NTN1: variants seen among roughly 807,000 people sequenced by gnomAD.
NTN1 encodes the protein netrin-1.
NTN1 carries 11 observed loss-of-function variants against 54.2 expected under a neutral mutation model. The ratio of observed to expected loss-of-function variants is 0.20; its 90% confidence interval spans 0.13 to 0.34. The LOEUF is 0.34. Among genes scored for constraint, NTN1 ranks in the 10% least tolerant of loss-of-function variants. The pLI is 1.00. For synonymous variants in NTN1, 371 were observed against 382.0 expected, an observed-to-expected ratio of 0.97 and a Z score of 0.33; for missense variants, 740 against 893.1, an observed-to-expected ratio of 0.83 and a Z score of 2.18.
intron 5 of NTN1, among the ~76,000 whole-genome samples, chr17:9,191,865 T>TAAAA (rs60675960): frequency 3.4e-5 from 3 of 89,170 alleles, no homozygotes; most frequent in African/African-American, 1.4e-4. Flanking sequence ...TTATCGCTAC[T>TAAAA]AAAAAAAAAA....
intron 2 of NTN1, among the ~76,000 whole-genome samples, chr17:9,134,875 C>T (rs2092276280): frequency 6.6e-6 from 1 of 152,184 alleles, no homozygotes; most frequent in Admixed American, 6.5e-5. Flanking sequence ...AAGCGTCTTC[C>T]TCCTGCCCTG....
At position 9,113,142 on chromosome 17, in the gene NTN1, GC is replaced by G. The variant is rs545061476; in HGVS notation, c.1019-49669del. ...AGGTTCAAGTGATTCTCCTGCCTCA[GC>G]CTCCCGAGTAGCTGGGATTACAGGT... On this transcript the variant is annotated intron_variant, in intron 2 of 6. Transcript: ENST00000173229. Among the ~76,000 whole-genome samples, 56 of 151,078 alleles carry G rather than the reference GC, an allele frequency of 3.7e-4. 1 individual carries two copies. The East Asian group carries it at 0.01, about 28-fold the overall frequency.
At position 9,051,879 on chromosome 17, in the gene NTN1, G is replaced by A. The variant is rs544614262; in HGVS notation, c.1018+28488G>A. On this transcript the variant is annotated intron_variant, in intron 2 of 6. Transcript: ENST00000173229. Reference sequence around the variant, plus strand: ...TGATTATTTTAAAGTAAAGCAAAACGGGTAGTTTTTTCATCTATGTTTTTG... The same window carrying A: ...TGATTATTTTAAAGTAAAGCAAAACAGGTAGTTTTTTCATCTATGTTTTTG... 6.6e-5 allele frequency among the ~76,000 whole-genome samples: 10 copies of A among 152,098 alleles called. No homozygotes were observed. In the South Asian group the frequency reaches 1.5e-3, roughly 22 times the overall value.
chr17:9,028,890 G>A (rs1181813321), intron 2 of NTN1, among the ~76,000 whole-genome samples: 1 of 152,040 alleles, frequency 6.6e-6, no homozygotes, highest in Non-Finnish European at 1.5e-5. Flanking sequence ...TTATAAAACA[G>A]CCTTATCTGT....
At chr17:9,146,586 C>T (rs986720245) in intron 2 of NTN1, among the ~76,000 whole-genome samples, 1 of 151,688 alleles carries the variant, frequency 6.6e-6, no homozygotes, top group Admixed American at 6.6e-5. Flanking sequence ...TGGAGGGGAC[C>T]TGTGGGTCTT....
chr17:9,158,964 A>C (rs528221731), intron 2 of NTN1, among the ~76,000 whole-genome samples: 1 of 152,174 alleles, frequency 6.6e-6, no homozygotes, highest in Non-Finnish European at 1.5e-5. Context: ...GTCCACCTCT[A>C]TTTGTAAATG....
chr17:9,161,188 G>A (rs932880690), intron 2 of NTN1, among the ~76,000 whole-genome samples: 1 of 152,102 alleles, frequency 6.6e-6, no homozygotes, highest in African/African-American at 2.4e-5. Flanking sequence ...ACGCCAGGCT[G>A]GTGGGGTGGA....
chr17:9,170,573 C>T (rs1211308056), intron 3 of NTN1, among the ~76,000 whole-genome samples: 1 of 152,198 alleles, frequency 6.6e-6, no homozygotes, highest in Admixed American at 6.5e-5. Flanking sequence ...GATTTCCATG[C>T]TTTGGGAGCA....
rs550214274 is a variant in NTN1 at position 9,193,058 on chromosome 17, C to T, written c.1411+10089C>T. On this transcript the variant is annotated intron_variant, in intron 5 of 6. Transcript: ENST00000173229. The stretch of plus-strand genomic sequence containing the variant: ...TCATGCCACTGCACTCCAGCCTGGG[C>T]GACAGAGTGAGACTCTGTCTCAAAA... Among the ~76,000 whole-genome samples the T allele has an allele frequency of 3.6e-3, 473 of 130,324 alleles. 4 individuals are homozygous for T. Among genetic ancestry groups the T allele is most frequent in the African/African-American group, 0.013 (454 of 33,654 alleles). 85.5% of individuals were successfully genotyped at this position (130,324 alleles called of 152,430 possible).
intron 2 of NTN1, among the ~76,000 whole-genome samples, chr17:9,073,911 T>C (rs892580364): frequency 3.9e-5 from 6 of 152,242 alleles, no homozygotes; most frequent in African/African-American, 1.4e-4. Flanking sequence ...TTTCCTGGGC[T>C]GTTTCCTACC....
chr17:9,155,253 A>G (rs2092338091), intron 2 of NTN1, among the ~76,000 whole-genome samples: 1 of 152,076 alleles, frequency 6.6e-6, no homozygotes, highest in Admixed American at 6.5e-5. Flanking sequence ...CCGCTGTCAC[A>G]CCAGCACCTG....
rs1186835451 is a variant in NTN1 at position 9,165,592 on chromosome 17, G to A, written c.1207+2591G>A. ...CACAGGACGGGAAAACCTAAGGATG[G>A]ATTCTACTCAGAAAGACACAGGCAA... On this transcript the variant is annotated intron_variant, in intron 3 of 6. Coordinates refer to ENST00000173229, the MANE Select transcript of NTN1 (RefSeq NM_004822.3). The surrounding 1 kb of genome is among the most constrained non-coding windows in gnomAD (Gnocchi z 4.5). Among the ~76,000 whole-genome samples the A allele has an allele frequency of 1.3e-5, 2 of 152,174 alleles. No individual in the cohort carries two copies. The highest frequency in any genetic ancestry group is 2.9e-5 in the Non-Finnish European group (2 of 68,030).
At chr17:9,038,215 C>T (rs866877045) in intron 2 of NTN1, among the ~76,000 whole-genome samples, 14 of 126,764 alleles carry the variant, frequency 1.1e-4, no homozygotes, top group African/African-American at 4.3e-4. Flanking sequence ...CGGACTCTCT[C>T]TCTCTGTGTC....
intron 2 of NTN1, among the ~76,000 whole-genome samples, chr17:9,050,975 C>T (rs1354188750): frequency 1.3e-5 from 2 of 152,172 alleles, no homozygotes; most frequent in Non-Finnish European, 1.5e-5. Flanking sequence ...GTCCACTAGG[C>T]TGTTTCAGCT....
chr17:9,108,342 C>G (rs936078727), intron 2 of NTN1, among the ~76,000 whole-genome samples: 1 of 152,124 alleles, frequency 6.6e-6, no homozygotes, highest in Non-Finnish European at 1.5e-5. Context: ...CAATCCACCC[C>G]AGGAAGGGGT....
intron 2 of NTN1, among the ~76,000 whole-genome samples, chr17:9,091,092 A>C (rs546734994): frequency 6.6e-6 from 1 of 152,324 alleles, no homozygotes; most frequent in South Asian, 2.1e-4. Flanking sequence ...CACTGCCTAC[A>C]ATAACACCTC....
the NTN1 span, among the ~76,000 whole-genome samples, chr17:9,010,463 G>T: frequency 6.6e-6 from 1 of 152,176 alleles, no homozygotes; most frequent in Non-Finnish European, 1.5e-5. Flanking sequence ...GTGAGATGTG[G>T]TCACTTCCCG....
At chr17:9,161,364 C>T (rs1460759068) in intron 2 of NTN1, among the ~76,000 whole-genome samples, 1 of 152,160 alleles carries the variant, frequency 6.6e-6, no homozygotes, top group Non-Finnish European at 1.5e-5. Context: ...AGTTTGGAAT[C>T]ACTGGAGCAT....
intron 6 of NTN1, among the ~76,000 whole-genome samples, chr17:9,233,808 G>A (rs943602819): frequency 4.6e-5 from 7 of 150,922 alleles, no homozygotes; most frequent in East Asian, 1.9e-4. Context: ...CCAGGGACGC[G>A]GGAAGCAGCA....
Sources: allele counts gnomAD v4.1 joint callset (sites outside exome capture counted in the v4.1 genomes callset), GRCh38; gene constraint gnomAD v4.1.1; non-coding constraint Gnocchi (gnomAD v3.1); transcripts MANE v1.5; gene names NCBI Gene and HGNC (gene_info 2026-07-23, HGNC 2026-07-21).